B4GALT3: variants seen among roughly 807,000 people sequenced by gnomAD.
B4GALT3 encodes the protein beta-1,4-galactosyltransferase 3.
A neutral mutation model predicts 40.7 loss-of-function variants in B4GALT3; 29 were observed. The observed-to-expected ratio is 0.71, with a 90% confidence interval of 0.53 to 0.97. The LOEUF is 0.97. Ranked by LOEUF, B4GALT3 falls within the 50% of genes least tolerant of loss-of-function variation. The pLI is 0.00. For missense variants in B4GALT3, 390 were observed against 522.3 expected (o/e 0.75, Z 2.47); for synonymous variants, 182 against 203.9 (o/e 0.89, Z 0.92).
At position 161,171,752 on chromosome 1, in the gene B4GALT3, G is replaced by A; in HGVS notation, c.*64C>T. ...ATCCCTCTGAGAACAGTGAGGAGCT[G>A]AGGGTGGGGAGAATACAACCCCATG... On this transcript the variant is annotated 3_prime_UTR_variant, in exon 8 of 8. Coordinates refer to ENST00000319769, the MANE Select transcript of B4GALT3 (RefSeq NM_003779.4). The A allele has an allele frequency of 6.3e-7, 1 of 1,577,190 alleles. No homozygotes were observed. Among genetic ancestry groups the A allele is most frequent in the Non-Finnish European group, 8.7e-7 (1 of 1,155,270 alleles).
chr1:161,173,948 G>C lies in B4GALT3; in HGVS notation c.591C>G (p.Asp197Glu). 1 of 1,614,202 alleles carries C rather than the reference G, an allele frequency of 6.2e-7. No individual in the cohort carries two copies. Among genetic ancestry groups the C allele is most frequent in the East Asian group, 2.2e-5 (1 of 44,892 alleles). ...EWDCLFLHDV[D>E]LLPENDHNLY... ...GATTGTGGTCATTTTCTGGCAAGAGGTCCACATCGTGCAAGAACAGGCAGT... is the reference window on the plus strand; with the variant it reads ...GATTGTGGTCATTTTCTGGCAAGAGCTCCACATCGTGCAAGAACAGGCAGT... The change falls in exon 5 of 8, where the codon GAC becomes GAG. Residue 197 changes from aspartate to glutamate, a missense_variant. Transcript: ENST00000319769.
chr1:161,171,669 C>A lies in B4GALT3; in HGVS notation c.*147G>T. 1 of 1,161,494 alleles carries A rather than the reference C, an allele frequency of 8.6e-7. No homozygotes were observed. Among genetic ancestry groups the A allele is most frequent in the Non-Finnish European group, 1.2e-6 (1 of 832,166 alleles). The allele number at this position is 1,161,494 out of a possible 1,614,324, so 71.9% of individuals were successfully genotyped here. A position where few individuals can be genotyped will look rare whatever the true frequency, so the allele number is the denominator to read the frequency against. Reference sequence around the variant, plus strand: ...GGTCTACAGGAGCCCAGCTCCAGTCCAGCAGTGAGGGAGAGGCCCCTACCC... The same window carrying A: ...GGTCTACAGGAGCCCAGCTCCAGTCAAGCAGTGAGGGAGAGGCCCCTACCC... On this transcript the variant is annotated 3_prime_UTR_variant, in exon 8 of 8. Transcript: ENST00000319769.
At chr1:161,173,236 G>A (rs550192638) in intron 6 of B4GALT3, among the ~76,000 whole-genome samples, 52 of 152,282 alleles carry the variant, frequency 3.4e-4, no homozygotes, top group African/African-American at 1.2e-3. Context: ...TTTACAAAGC[G>A]ATTCTGGGAA....
chr1:161,176,802 T>G, intron 1 of B4GALT3: 1 of 1,487,676 alleles, frequency 6.7e-7, no homozygotes, highest in African/African-American at 1.4e-5. Flanking sequence ...CAGGACAGAT[T>G]GGGGAGTGGG....
chr1:161,171,741 A>G lies in B4GALT3; in HGVS notation c.*75T>C. 6.5e-7 allele frequency: 1 copy of G among 1,550,058 alleles called. No homozygotes were observed. ...AGTTCCCTCACATCCCTCTGAGAAC[A>G]GTGAGGAGCTGAGGGTGGGGAGAAT... On this transcript the variant is annotated 3_prime_UTR_variant, in exon 8 of 8. Transcript: ENST00000319769.
In B4GALT3 at chr1:161,175,983, C is replaced by T; in HGVS notation, c.78G>A (p.Leu26=). 10 of 1,614,088 alleles carry T rather than the reference C, an allele frequency of 6.2e-6. No homozygotes were observed. Among genetic ancestry groups the T allele is most frequent in the Non-Finnish European group, 8.5e-6 (10 of 1,180,024 alleles). ...TGAGACTTCGGAAGCCCCCCAGTGA[C>T]AGGTACATCATGACAGCCAGCTGGG... ...VGSQLAVMMY[L]SLGGFRSLSA... Residue 26 remains leucine, a synonymous_variant, in exon 3 of 8, where the codon CTG becomes CTA. Transcript: ENST00000319769.
intron 4 of B4GALT3, 142 bp downstream of exon 4, chr1:161,174,851 A>C (rs1159222296): frequency 1.2e-6 from 1 of 808,600 alleles, no homozygotes; most frequent in Non-Finnish European, 2.0e-6. Flanking sequence ...TTGGAAGAGC[A>C]GTGCCGGGTG....
rs1265833564 is a variant in B4GALT3, at chr1:161,173,918, A to G, written c.621T>C (p.Tyr207=). Residue 207 remains tyrosine (Y), a synonymous_variant, in exon 5 of 8, where the codon TAT becomes TAC. Coordinates refer to ENST00000319769, the MANE Select transcript of B4GALT3 (RefSeq NM_003779.4). ...DLLPENDHNL[Y]VCDPRGPRHV... Reference sequence around the variant, plus strand: ...GGCGGGGTCCCCGGGGGTCACACACATACAGATTGTGGTCATTTTCTGGCA... The same window carrying G: ...GGCGGGGTCCCCGGGGGTCACACACGTACAGATTGTGGTCATTTTCTGGCA... 1.9e-6 allele frequency: 3 copies of G among 1,614,058 alleles called. No homozygotes were observed. The highest frequency in any genetic ancestry group is 2.5e-6 in the Non-Finnish European group (3 of 1,180,038).
intron 5 of B4GALT3, 55 bp downstream of exon 5, chr1:161,173,804 C>T (rs530544423): frequency 1.1e-4 from 184 of 1,609,988 alleles, no homozygotes; most frequent in Middle Eastern, 1.7e-4. Flanking sequence ...TGGCTCTCCT[C>T]CTTCCACAGG....
chr1:161,175,803 C>G lies in B4GALT3; in HGVS notation c.253+5G>C. 1 of 1,613,658 alleles carries G rather than the reference C, an allele frequency of 6.2e-7. No homozygotes were observed. Among genetic ancestry groups the G allele is most frequent in the Non-Finnish European group, 8.5e-7 (1 of 1,179,670 alleles). ...CTTTCACCACCTCCTTCCTCCTGCA[C>G]TTACCTAAGAGAGGAGATCGTTCTG... On this transcript the variant is annotated splice_donor_5th_base_variant and intron_variant, in intron 3 of 7. Transcript: ENST00000319769.
Position 161,175,789 on chromosome 1 carries a change from T to C in B4GALT3, c.253+19A>G. 6.2e-7 allele frequency: 1 copy of C among 1,609,050 alleles called. No individual in the cohort carries two copies. The highest frequency in any genetic ancestry group is 2.2e-5 in the East Asian group (1 of 44,712). On this transcript the variant is annotated intron_variant, in intron 3 of 7. Coordinates refer to ENST00000319769, the MANE Select transcript of B4GALT3 (RefSeq NM_003779.4). The stretch of plus-strand genomic sequence containing the variant: ...GCACCTTGTCCTTCCTTTCACCACC[T>C]CCTTCCTCCTGCACTTACCTAAGAG...
In B4GALT3 at chr1:161,176,981, G is replaced by A. The variant is rs765111941; in HGVS notation, c.-160-402C>T. On this transcript the variant is annotated intron_variant, in intron 1 of 7. Coordinates refer to ENST00000319769, the MANE Select transcript of B4GALT3 (RefSeq NM_003779.4). ...TGGGTGCCAACTCCTCAGGTGCAGG[G>A]ACCGTGACCACCTGGGGGCTGTAAG... The A allele has an allele frequency of 2.6e-6, 4 of 1,536,112 alleles. No individual in the cohort carries two copies. The South Asian group carries it at 4.8e-5, about 18-fold the overall frequency.
chr1:161,177,287 C>G (rs1039437582), intron 1 of B4GALT3, 136 bp downstream of exon 1: 1 of 576,162 alleles, frequency 1.7e-6, no homozygotes, highest in African/African-American at 1.9e-5. Context: ...GCCCGCCCGG[C>G]CCCCGTCCAT....
rs528969895 is a variant in B4GALT3 at position 161,175,822 on chromosome 1, C to G, written c.239G>C (p.Arg80Pro). 7 of 1,613,858 alleles carry G rather than the reference C, an allele frequency of 4.3e-6. No individual in the cohort carries two copies. The highest frequency in any genetic ancestry group is 5.9e-6 in the Non-Finnish European group (7 of 1,179,960). Reference sequence around the variant, plus strand: ...CCTGCACTTACCTAAGAGAGGAGATCGTTCTGGACAGTAGGGCAGACCTTG... The same window carrying G: ...CCTGCACTTACCTAAGAGAGGAGATGGTTCTGGACAGTAGGGCAGACCTTG... Reference protein sequence around the residue: ...APQGLPYCPERSPLLVGPVSV... With the variant: ...APQGLPYCPEPSPLLVGPVSV... Residue 80 changes from arginine to proline, a missense_variant, in exon 3 of 8, where the codon CGA becomes CCA. This residue lies in a region of B4GALT3 where 183 missense variants were observed against 223.2 expected (regional missense o/e 0.82). Coordinates refer to ENST00000319769, the MANE Select transcript of B4GALT3 (RefSeq NM_003779.4).
upstream of B4GALT3, chr1:161,177,807 C>A (rs2101997186): frequency 6.6e-6 from 1 of 152,430 alleles, no homozygotes; most frequent in Admixed American, 6.5e-5. Flanking sequence ...TCTGGTGCTC[C>A]GCTGACCTCG....
intron 4 of B4GALT3, among the ~76,000 whole-genome samples, chr1:161,174,347 G>A (rs1662658172): frequency 6.6e-6 from 1 of 150,938 alleles, no homozygotes; most frequent in Non-Finnish European, 1.5e-5. Flanking sequence ...GGTGGAGCTT[G>A]CAGTCAGCCG....
intron 6 of B4GALT3, 25 bp downstream of exon 6, chr1:161,173,576 AGGAG>A (rs1305107292): frequency 6.2e-7 from 1 of 1,612,992 alleles, no homozygotes; most frequent in African/African-American, 1.3e-5. Flanking sequence ...GACTGGGGTC[AGGAG>A]GGAGGAAGTG....
rs367870203 is a variant in B4GALT3, at chr1:161,175,930, G to A, written c.131C>T (p.Pro44Leu). Residue 44 changes from proline (P) to leucine (L), a missense_variant, in exon 3 of 8, where the codon CCG (proline) becomes CTG (leucine). Around this residue, in one of 3 missense-constraint regions of B4GALT3, gnomAD observed 183 missense variants for 223.2 expected, o/e 0.82. Transcript: ENST00000319769. ...ACGAGGGTGAGAATAGTCAAATGTC[G>A]GTCCCTGATCTCGGCCAAATAGGGC... ...LSALFGRDQG[P>L]TFDYSHPRDV... The A allele has an allele frequency of 1.1e-5, 18 of 1,613,994 alleles. No individual in the cohort carries two copies. The highest frequency in any genetic ancestry group is 1.3e-5 in the African/African-American group (1 of 74,890).
chr1:161,172,300 G>A lies in B4GALT3; in HGVS notation c.835C>T (p.Pro279Ser), dbSNP rs1024750925. The A allele has an allele frequency of 9.9e-6, 16 of 1,613,918 alleles. No homozygotes were observed. The highest frequency in any genetic ancestry group is 2.7e-5 in the African/African-American group (2 of 74,882). The change falls in exon 7 of 8, where the codon CCC (proline) becomes TCC (serine). Residue 279 changes from proline (P) to serine (S), a missense_variant. Around this residue, in one of 3 missense-constraint regions of B4GALT3, gnomAD observed 135 missense variants for 227.8 expected, o/e 0.59. Coordinates refer to ENST00000319769, the MANE Select transcript of B4GALT3 (RefSeq NM_003779.4). ...VRLAGMKISR[P>S]PTSVGHYKMV... The stretch of plus-strand genomic sequence containing the variant: ...TTATAGTGTCCTACAGATGTGGGGG[G>A]CCGAGAGATCTTCATCCCAGCCAGG...
Sources: allele counts gnomAD v4.1 joint callset (sites outside exome capture counted in the v4.1 genomes callset), GRCh38; gene constraint gnomAD v4.1.1; regional missense constraint gnomAD v4.1.1; transcripts MANE v1.5; gene names NCBI Gene and HGNC (gene_info 2026-07-23, HGNC 2026-07-21).